The following OPRL1 variants were observed in gnomAD, a reference collection of about 807,000 sequenced individuals.
The protein encoded by OPRL1 is opioid related nociceptin receptor 1.
OPRL1 carries 5 observed loss-of-function variants against 15.5 expected under a neutral mutation model. That is an observed-to-expected ratio of 0.32 (90% CI 0.17 to 0.68). The LOEUF (loss-of-function observed/expected upper bound fraction) is 0.68, where lower values mean the gene tolerates loss of function less well. Among genes scored for constraint, OPRL1 ranks in the 30% least tolerant of loss-of-function variants. The pLI, the probability that OPRL1 is intolerant of heterozygous loss-of-function variation, is 0.72. For missense variants in OPRL1, 406 were observed against 515.3 expected, an observed-to-expected ratio of 0.79 and a Z score of 2.05; for synonymous variants, 223 against 230.2, an observed-to-expected ratio of 0.97 and a Z score of 0.28.
At position 64,092,104 on chromosome 20, in the gene OPRL1, G is replaced by A. The variant is rs143798937; in HGVS notation, c.-46G>A. On this transcript the variant is annotated 5_prime_UTR_variant, in exon 2 of 5. Transcript: ENST00000336866. ...TCTCCACGGTGGTCCCAGCTCCCAA[G>A]GAGGTTGCAGAAGTAAGGGCCTGAG... The A allele has an allele frequency of 0.02, 3,156 of 154,704 alleles. 51 individuals carry two copies. Among genetic ancestry groups the A allele is most frequent in the Middle Eastern group, 0.093 (28 of 302 alleles). The allele number at this position is 154,704 out of a possible 1,614,324, so 9.6% of individuals were successfully genotyped here. A position where few individuals can be genotyped will look rare whatever the true frequency, so the allele number is the denominator to read the frequency against.
Position 64,099,508 on chromosome 20 carries a change from G to T in OPRL1, c.*709G>T, listed in dbSNP as rs547040780. 1 of 152,548 alleles carries T rather than the reference G, an allele frequency of 6.6e-6. No individual in the cohort carries two copies. The highest frequency in any genetic ancestry group is 3.2e-3 in the Middle Eastern group (1 of 316). 9.4% of individuals were successfully genotyped at this position (152,548 alleles called of 1,614,324 possible). A position where few individuals can be genotyped will look rare whatever the true frequency, so the allele number is the denominator to read the frequency against. ...ACCCCGAGCTGGCCCTGGGCCAGCC[G>T]CACCTCTGAAGGTTTTCTGTGTGCT... On this transcript the variant is annotated 3_prime_UTR_variant, in exon 5 of 5. Coordinates refer to ENST00000336866, the MANE Select transcript of OPRL1 (RefSeq NM_182647.4).
At chr20:64,093,084 C>T in intron 3 of OPRL1, 131 bp downstream of exon 3, 1 of 855,098 alleles carries the variant, frequency 1.2e-6, no homozygotes. Context: ...ATGTTTTTGA[C>T]CCTGTCCAGG....
In OPRL1 at chr20:64,088,902, G is replaced by GTGCAGGGAGGCCAGGA. The variant is rs1569272107; in HGVS notation, c.-184-3063_-184-3062insGCAGGGAGGCCAGGAT. ...CCAGGGTCTGTGCAGAGTGGCCAGG[G>GTGCAGGGAGGCCAGGA]TCTGTGCAGAGTGGCCAGGATCTGT... On this transcript the variant is annotated intron_variant, in intron 1 of 4. Transcript: ENST00000336866. 7.2e-4 allele frequency among the ~76,000 whole-genome samples: 5 copies of GTGCAGGGAGGCCAGGA among 6,988 alleles called. 2 individuals carry two copies. Among genetic ancestry groups the GTGCAGGGAGGCCAGGA allele is most frequent in the African/African-American group, 1.0e-3 (2 of 1,908 alleles). The allele number at this position is 6,988 out of a possible 152,430, so 4.6% of individuals were successfully genotyped here. A position where few individuals can be genotyped will look rare whatever the true frequency, so the allele number is the denominator to read the frequency against.
Position 64,092,049 on chromosome 20 carries a change from G to A in OPRL1, c.-101G>A, listed in dbSNP as rs916507132. On this transcript the variant is annotated 5_prime_UTR_variant, in exon 2 of 5. Coordinates refer to ENST00000336866, the MANE Select transcript of OPRL1 (RefSeq NM_182647.4). ...CTCTTCTACCCTGCTCTGCACCTGT[G>A]CTCGACTGCCAGCCGGCTGAGGGCG... The A allele has an allele frequency of 2.6e-5, 4 of 153,354 alleles. No individual in the cohort carries two copies. Among genetic ancestry groups the A allele is most frequent in the Admixed American group, 2.0e-4 (3 of 15,350 alleles). The allele number at this position is 153,354 out of a possible 1,614,324, so 9.5% of individuals were successfully genotyped here.
chr20:64,098,937 C>G lies in OPRL1; in HGVS notation c.*138C>G, dbSNP rs1979534443. The stretch of plus-strand genomic sequence containing the variant: ...TCCAGAGCCTGGGATGGGCTTTTCC[C>G]TGTGGGCCAGGGATGCTCGGTCCCA... On this transcript the variant is annotated 3_prime_UTR_variant, in exon 5 of 5. Coordinates refer to ENST00000336866, the MANE Select transcript of OPRL1 (RefSeq NM_182647.4). 2 of 1,244,232 alleles carry G rather than the reference C, an allele frequency of 1.6e-6. No individual in the cohort carries two copies. The highest frequency in any genetic ancestry group is 2.8e-5 in the Admixed American group (1 of 35,334). The allele number at this position is 1,244,232 out of a possible 1,614,324, so 77.1% of individuals were successfully genotyped here.
intron 1 of OPRL1, among the ~76,000 whole-genome samples, chr20:64,084,863 C>T (rs2060025639): frequency 6.6e-6 from 1 of 152,210 alleles, no homozygotes. Flanking sequence ...CCCCGCCCCT[C>T]CTTAGCTCCT....
At chr20:64,096,902 TCAC>T (rs1229620388) in intron 3 of OPRL1, among the ~76,000 whole-genome samples, 2 of 7,978 alleles carry the variant, frequency 2.5e-4, no homozygotes, top group Non-Finnish European at 5.2e-4. Flanking sequence ...ATCACGACCA[TCAC>T]CACCATCATC....
Position 64,098,879 on chromosome 20 carries a change from C to G in OPRL1, c.*80C>G, listed in dbSNP as rs991047797. On this transcript the variant is annotated 3_prime_UTR_variant, in exon 5 of 5. Transcript: ENST00000336866. Reference sequence around the variant, plus strand: ...AACACAGAGCTCACACAGGTCACTGCTCTCTAGGCGGACACACCCTGGGCC... The same window carrying G: ...AACACAGAGCTCACACAGGTCACTGGTCTCTAGGCGGACACACCCTGGGCC... The G allele has an allele frequency of 6.7e-7, 1 of 1,482,436 alleles. No individual in the cohort carries two copies. The highest frequency in any genetic ancestry group is 1.4e-5 in the African/African-American group (1 of 71,828). The allele number at this position is 1,482,436 out of a possible 1,614,324, so 91.8% of individuals were successfully genotyped here. A position where few individuals can be genotyped will look rare whatever the true frequency, so the allele number is the denominator to read the frequency against.
rs781308391 is a variant in OPRL1, at chr20:64,097,838, C to T, written c.270C>T (p.Ile90=). ...TKMKTATNIY[I]FNLALADTLV... Reference sequence around the variant, plus strand: ...TGAAGACAGCCACCAATATTTACATCTTTAACCTGGCCCTGGCCGACACTC... The same window carrying T: ...TGAAGACAGCCACCAATATTTACATTTTTAACCTGGCCCTGGCCGACACTC... Residue 90 remains isoleucine (I), a synonymous_variant, in exon 4 of 5, where the codon ATC becomes ATT. Transcript: ENST00000336866. The surrounding 1 kb of genome is among the most constrained non-coding windows in gnomAD (Gnocchi z 4.2). The T allele has an allele frequency of 1.9e-6, 3 of 1,613,562 alleles. No homozygotes were observed. The highest frequency in any genetic ancestry group is 1.3e-5 in the African/African-American group (1 of 75,072).
rs758794358 is a variant in OPRL1, at chr20:64,098,094, G to C, written c.526G>C (p.Ala176Pro). The C allele has an allele frequency of 9.3e-6, 15 of 1,613,200 alleles. No homozygotes were observed. The Admixed American group carries it at 2.5e-4, about 27-fold the overall frequency. Reference sequence around the variant, plus strand: ...CCAGGCTGTCAATGTGGCCATCTGGGCCCTGGCCTCTGTTGTCGGTGTTCC... The same window carrying C: ...CCAGGCTGTCAATGTGGCCATCTGGCCCCTGGCCTCTGTTGTCGGTGTTCC... ...KAQAVNVAIW[A>P]LASVVGVPVA... Residue 176 changes from alanine (A) to proline (P), a missense_variant, in exon 4 of 5, where the codon GCC (alanine) becomes CCC (proline). By Grantham distance (27) the Ala-to-Pro change is conservative (BLOSUM62 -1). Transcript: ENST00000336866.
chr20:64,083,566 C>G lies in OPRL1; in HGVS notation c.-185+3214C>G. The G allele has an allele frequency of 1.3e-6, 2 of 1,527,610 alleles. No homozygotes were observed. Among genetic ancestry groups the G allele is most frequent in the South Asian group, 2.4e-5 (2 of 82,788 alleles). 94.6% of individuals were successfully genotyped at this position (1,527,610 alleles called of 1,614,324 possible). On this transcript the variant is annotated intron_variant, in intron 1 of 4. Transcript: ENST00000336866. The surrounding 1 kb of genome is among the most constrained non-coding windows in gnomAD (Gnocchi z 4.9). ...GGCCCCTCCCCTTTCCCCGCCCCTA[C>G]CGGGGCTTGTCTGCACCTCTTGGCG...
Position 64,097,924 on chromosome 20 carries a change from G to A in OPRL1, c.356G>A (p.Gly119Glu), listed in dbSNP as rs750208626. The change falls in exon 4 of 5, where the codon GGG (glycine) becomes GAG (glutamate). Residue 119 changes from glycine to glutamate, a missense_variant. Gly to Glu is a moderately conservative substitution (Grantham distance 98). Transcript: ENST00000336866. The surrounding 1 kb of genome is among the most constrained non-coding windows in gnomAD (Gnocchi z 4.2). ...TDILLGFWPF[G>E]NALCKTVIAI... ...ATCCTCCTGGGCTTCTGGCCGTTTGGGAATGCGCTGTGCAAGACAGTCATT... is the reference window on the plus strand; with the variant it reads ...ATCCTCCTGGGCTTCTGGCCGTTTGAGAATGCGCTGTGCAAGACAGTCATT... 2 of 1,613,570 alleles carry A rather than the reference G, an allele frequency of 1.2e-6. No individual in the cohort carries two copies. Among genetic ancestry groups the A allele is most frequent in the East Asian group, 2.2e-5 (1 of 44,896 alleles).
In OPRL1 at chr20:64,097,986, A is replaced by AC. The variant is rs1469034577; in HGVS notation, c.421dup (p.Leu141ProfsTer56). On this transcript the variant is annotated frameshift_variant, in exon 4 of 5. Transcript: ENST00000336866. LOFTEE classifies it high-confidence loss of function. This position sits in a 1 kb window ranked among gnomAD's most constrained non-coding sequence, Gnocchi z 4.2. ...CTACAACATGTTCACCAGCACCTTC[A>AC]CCCTAACTGCCATGAGTGTGGATCG... is the stretch of plus-strand genomic sequence containing the variant. 6.2e-7 allele frequency: 1 copy of AC among 1,613,134 alleles called. No homozygotes were observed. Among genetic ancestry groups the AC allele is most frequent in the Admixed American group, 1.7e-5 (1 of 59,970 alleles).
chr20:64,098,511 C>A lies in OPRL1; in HGVS notation c.825C>A (p.Cys275Ter). The A allele has an allele frequency of 6.2e-7, 1 of 1,612,916 alleles. No individual in the cohort carries two copies. Among genetic ancestry groups the A allele is most frequent in the Non-Finnish European group, 8.5e-7 (1 of 1,180,020 alleles). ...TGGTAGTGGCTGTGTTCGTGGGCTGCTGGACGCCTGTCCAGGTCTTCGTGC... is the reference window on the plus strand; with the variant it reads ...TGGTAGTGGCTGTGTTCGTGGGCTGATGGACGCCTGTCCAGGTCTTCGTGC... ...VLVVVAVFVG[C>*]WTPVQVFVLA... Residue 275 changes from cysteine (C) to a stop codon, truncating the protein, a stop_gained, in exon 5 of 5, where the codon TGC (cysteine) becomes TGA (stop). Transcript: ENST00000336866. LOFTEE classifies it high-confidence loss of function.
In OPRL1 at chr20:64,099,203, G is replaced by C. The variant is rs1454428096; in HGVS notation, c.*404G>C. 1 of 247,568 alleles carries C rather than the reference G, an allele frequency of 4.0e-6. No homozygotes were observed. The highest frequency in any genetic ancestry group is 7.8e-6 in the Non-Finnish European group (1 of 128,172). 15.3% of individuals were successfully genotyped at this position (247,568 alleles called of 1,614,324 possible). On this transcript the variant is annotated 3_prime_UTR_variant, in exon 5 of 5. Transcript: ENST00000336866. Reference sequence around the variant, plus strand: ...AGAACCCTGGGTGGGCAGGCACCCGGAGGAGGAGCAGCAGCTGTGTCATCC... The same window carrying C: ...AGAACCCTGGGTGGGCAGGCACCCGCAGGAGGAGCAGCAGCTGTGTCATCC...
At position 64,083,882 on chromosome 20, in the gene OPRL1, A is replaced by G. The variant is rs2060004860; in HGVS notation, c.-185+3530A>G. On this transcript the variant is annotated intron_variant, in intron 1 of 4. Transcript: ENST00000336866. The surrounding 1 kb of genome is among the most constrained non-coding windows in gnomAD (Gnocchi z 4.9). ...CCCGCGGGCCTCCGCTGCCTTGAGGACGCCGAGGAGCCGGTTCTGGCGCTC... is the reference window on the plus strand; with the variant it reads ...CCCGCGGGCCTCCGCTGCCTTGAGGGCGCCGAGGAGCCGGTTCTGGCGCTC... 5 of 1,438,188 alleles carry G rather than the reference A, an allele frequency of 3.5e-6. No individual in the cohort carries two copies. Among genetic ancestry groups the G allele is most frequent in the African/African-American group, 1.5e-5 (1 of 66,854 alleles). 89.1% of individuals were successfully genotyped at this position (1,438,188 alleles called of 1,614,324 possible). A position where few individuals can be genotyped will look rare whatever the true frequency, so the allele number is the denominator to read the frequency against.
In OPRL1 at chr20:64,092,967, C is replaced by T. The variant is rs755983791; in HGVS notation, c.233+14C>T. 6.2e-6 allele frequency: 10 copies of T among 1,608,954 alleles called. No homozygotes were observed. Among genetic ancestry groups the T allele is most frequent in the Middle Eastern group, 1.7e-4 (1 of 6,040 alleles). ...CGTCATCCTCAGGTAGGCTGGGCCC[C>T]AAGGTTCCTGTCTGGTGAGTCCCAC... On this transcript the variant is annotated intron_variant, in intron 3 of 4. Transcript: ENST00000336866.
intron 3 of OPRL1, among the ~76,000 whole-genome samples, chr20:64,096,681 T>C (rs559861634): frequency 1.3e-5 from 2 of 152,042 alleles, no homozygotes; most frequent in South Asian, 2.1e-4. Flanking sequence ...CCACTGCCAA[T>C]ATCGCCGCCA....
intron 1 of OPRL1, among the ~76,000 whole-genome samples, chr20:64,088,696 A>G (rs62218106): frequency 4.6e-4 from 20 of 43,944 alleles, no homozygotes; most frequent in Admixed American, 7.5e-4. Context: ...CTGTGCAGGG[A>G]GGCCAGGGTC....
Sources: gnomAD v4.1 joint callset for allele counts (sites outside exome capture counted in the v4.1 genomes callset) on GRCh38, gnomAD v4.1.1 for gene constraint, Gnocchi (gnomAD v3.1) non-coding constraint, MANE v1.5 for transcripts, NCBI Gene and HGNC (gene_info 2026-07-23, HGNC 2026-07-21) for gene names.